COL24A1: variants seen among roughly 807,000 people sequenced by gnomAD.
COL24A1 encodes the protein collagen type XXIV alpha 1 chain.
A neutral mutation model predicts 253.9 loss-of-function variants in COL24A1; 224 were observed. The observed-to-expected ratio is 0.88, with a 90% CI of 0.79 to 0.99. The LOEUF is 0.99. Among genes scored for constraint, COL24A1 ranks in the 50% least tolerant of loss-of-function variants. The pLI, the probability that COL24A1 is intolerant of heterozygous loss-of-function variation, is 0.00. For synonymous variants in COL24A1, 685 were observed against 673.7 expected, an observed-to-expected ratio of 1.02 and a Z score of -0.26; for missense variants, 2,131 against 2,068.5, an observed-to-expected ratio of 1.03 and a Z score of -0.59.
rs1664171648 is a variant in COL24A1 at position 85,737,458 on chromosome 1, C to T, written c.4720G>A (p.Glu1574Lys). 1.2e-6 allele frequency: 2 copies of T among 1,612,986 alleles called. No individual in the cohort carries two copies. The highest frequency in any genetic ancestry group is 8.5e-7 in the Non-Finnish European group (1 of 1,179,414). Residue 1574 changes from glutamate to lysine, a missense_variant, in exon 58 of 60, where the codon GAG (glutamate) becomes AAG (lysine). Physicochemically the swap from Glu to Lys is moderately conservative, Grantham distance 56. Coordinates refer to ENST00000370571, the MANE Select transcript of COL24A1 (RefSeq NM_152890.7). ...PNLGCPSDAI[E>K]VFCNFSAGGQ... is the part of the protein sequence containing the mutation. ...CCAGCACTGAAATTGCAGAAAACCT[C>T]AATGGCATCTGAAGGACAGCCAAGA...
chr1:85,905,277 T>G (rs556304239), intron 28 of COL24A1, among the ~76,000 whole-genome samples: 7 of 152,246 alleles, frequency 4.6e-5, no homozygotes, highest in Admixed American at 2.6e-4. Flanking sequence ...CTCAGTAGGC[T>G]GGACCAATAT....
At chr1:86,148,953 T>A (rs1238352972) in intron 1 of COL24A1, among the ~76,000 whole-genome samples, 1 of 152,172 alleles carries the variant, frequency 6.6e-6, no homozygotes, top group African/African-American at 2.4e-5. Flanking sequence ...TGAACTAGTT[T>A]ACAGTCCCAC....
At chr1:85,817,999 A>C (rs1316803924) in intron 46 of COL24A1, 35 bp downstream of exon 46, 1 of 1,594,470 alleles carries the variant, frequency 6.3e-7, no homozygotes, top group African/African-American at 1.3e-5. Context: ...TTCCATTTAG[A>C]AAAGCAAGAA....
At chr1:85,920,249 A>G (rs1686314744) in intron 24 of COL24A1, among the ~76,000 whole-genome samples, 1 of 152,226 alleles carries the variant, frequency 6.6e-6, no homozygotes, top group Admixed American at 6.5e-5. Context: ...ATGAGAAAAG[A>G]CTTTACAGAG....
intron 19 of COL24A1, among the ~76,000 whole-genome samples, chr1:86,011,758 C>T (rs1696500377): frequency 6.6e-6 from 1 of 152,174 alleles, no homozygotes; most frequent in African/African-American, 2.4e-5. Flanking sequence ...AAAACAGAAT[C>T]AGATGATAAT....
chr1:85,864,023 C>T (rs1383637930), intron 37 of COL24A1, among the ~76,000 whole-genome samples: 1 of 152,144 alleles, frequency 6.6e-6, no homozygotes, highest in African/African-American at 2.4e-5. Flanking sequence ...ACTAGAAATA[C>T]CATTTGACCC....
In COL24A1 at chr1:86,023,016, C is replaced by T. The variant is rs2101364611; in HGVS notation, c.2050-9G>A. 1 of 1,611,160 alleles carries T rather than the reference C, an allele frequency of 6.2e-7. No homozygotes were observed. Among genetic ancestry groups the T allele is most frequent in the Non-Finnish European group, 8.5e-7 (1 of 1,178,342 alleles). On this transcript the variant is annotated splice_polypyrimidine_tract_variant and intron_variant, in intron 14 of 59. Transcript: ENST00000370571. Reference sequence around the variant, plus strand: ...ACAGGGCCAACACTGCCCTGGAAAACAGTAAGAAAGAAATGCATCATTAAG... The same window carrying T: ...ACAGGGCCAACACTGCCCTGGAAAATAGTAAGAAAGAAATGCATCATTAAG...
intron 13 of COL24A1, among the ~76,000 whole-genome samples, chr1:86,033,377 AATCCATCATC>A (rs888874869): frequency 7.9e-5 from 12 of 152,272 alleles, no homozygotes; most frequent in Non-Finnish European, 1.6e-4. Context: ...AAAAAATAGC[AATCCATCATC>A]ATTCTTTGAT....
At chr1:86,097,642 T>TTCC (rs1168175690) in intron 5 of COL24A1, among the ~76,000 whole-genome samples, 14 of 123,120 alleles carry the variant, frequency 1.1e-4, no homozygotes, top group East Asian at 2.4e-4. Context: ...ATTCTTATTC[T>TTCC]TCCTCCTCCT....
chr1:86,027,498 G>C (rs537915668), intron 14 of COL24A1, among the ~76,000 whole-genome samples: 2 of 152,330 alleles, frequency 1.3e-5, no homozygotes, highest in South Asian at 4.1e-4. Flanking sequence ...GTGCTTCAGA[G>C]GGTGCAAGCC....
intron 57 of COL24A1, among the ~76,000 whole-genome samples, chr1:85,744,360 G>T (rs1489124847): frequency 6.6e-6 from 1 of 151,982 alleles, no homozygotes; most frequent in African/African-American, 2.4e-5. Flanking sequence ...TTGTAGTCCT[G>T]ACTTACCAAG....
chr1:86,073,239 A>T (rs1701997317), intron 7 of COL24A1, among the ~76,000 whole-genome samples: 1 of 152,208 alleles, frequency 6.6e-6, no homozygotes, highest in Non-Finnish European at 1.5e-5. Context: ...AAAAGGTTAG[A>T]GGAATTGCTA....
chr1:85,803,369 G>T lies in COL24A1; in HGVS notation c.3951+13419C>A, dbSNP rs367976178. ...CACTTGAACTCGGGAGGTGGAGGTT[G>T]CAGTGAGCTGAGATCATGACACTGC... On this transcript the variant is annotated intron_variant, in intron 47 of 59. Coordinates refer to ENST00000370571, the MANE Select transcript of COL24A1 (RefSeq NM_152890.7). Among the ~76,000 whole-genome samples, 11 of 149,588 alleles carry T rather than the reference G, an allele frequency of 7.4e-5. No homozygotes were observed. In the East Asian group the frequency reaches 2.2e-3, roughly 30 times the overall value.
intron 23 of COL24A1, among the ~76,000 whole-genome samples, chr1:85,962,625 G>A (rs531667126): frequency 3.2e-4 from 48 of 152,296 alleles, no homozygotes; most frequent in African/African-American, 9.9e-4. Context: ...CACTGGTAAT[G>A]AGAAAGCGTC....
chr1:85,898,772 A>G (rs1156816122), intron 28 of COL24A1, among the ~76,000 whole-genome samples: 1 of 152,236 alleles, frequency 6.6e-6, no homozygotes, highest in Non-Finnish European at 1.5e-5. Flanking sequence ...ACTAAATTAT[A>G]AAATGAAAAT....
At chr1:85,877,297 C>A in intron 32 of COL24A1, 122 bp from the exon 33 acceptor site, 1 of 604,892 alleles carries the variant, frequency 1.7e-6, no homozygotes, top group Non-Finnish European at 2.8e-6. Flanking sequence ...ATACATAATA[C>A]ATTTATCAGC....
At chr1:86,015,876 ACTT>A in intron 19 of COL24A1, among the ~76,000 whole-genome samples, 1 of 119,308 alleles carries the variant, frequency 8.4e-6, no homozygotes, top group Non-Finnish European at 1.8e-5. Context: ...TGAAGACTCT[ACTT>A]TTTCTTTTTT....
chr1:85,784,452 C>A lies in COL24A1; in HGVS notation c.4060-86G>T. 6.7e-6 allele frequency: 6 copies of A among 900,096 alleles called. No individual in the cohort carries two copies. In the South Asian group the frequency reaches 8.7e-5, roughly 13 times the overall value. 55.8% of individuals were successfully genotyped at this position (900,096 alleles called of 1,614,324 possible). A position where few individuals can be genotyped will look rare whatever the true frequency, so the allele number is the denominator to read the frequency against. On this transcript the variant is annotated intron_variant, in intron 48 of 59. Transcript: ENST00000370571. ...GAATGAAACCCAAATACAGGCCCAT[C>A]CTTAGGCCCATTCCATAAATACAAG...
intron 19 of COL24A1, among the ~76,000 whole-genome samples, chr1:85,993,803 T>C (rs1382643503): frequency 1.3e-5 from 2 of 152,080 alleles, no homozygotes; most frequent in African/African-American, 4.8e-5. Context: ...TAGGCAACAT[T>C]TTTTAAGGAT....
Sources: allele counts gnomAD v4.1 joint callset (sites outside exome capture counted in the v4.1 genomes callset), GRCh38; gene constraint gnomAD v4.1.1; transcripts MANE v1.5; gene names NCBI Gene and HGNC (gene_info 2026-07-23, HGNC 2026-07-21).